The following AKAP19 variants were observed in gnomAD, a reference collection of about 807,000 sequenced individuals.
The protein encoded by AKAP19 is small A-kinase anchoring protein.
chr2:190,194,533 C>T, the AKAP19 span, among the ~76,000 whole-genome samples: 3 of 151,388 alleles, frequency 2.0e-5, no homozygotes, highest in Non-Finnish European at 4.4e-5. Context: ...GCATCTCCCA[C>T]TAGACACATC....
chr2:190,100,156 G>A, the AKAP19 span, among the ~76,000 whole-genome samples: 1 of 152,098 alleles, frequency 6.6e-6, no homozygotes, highest in Non-Finnish European at 1.5e-5. Flanking sequence ...TTGAAATGGA[G>A]ACTAAGGGAA....
the AKAP19 span, among the ~76,000 whole-genome samples, chr2:189,957,564 A>T: frequency 3.3e-5 from 5 of 152,188 alleles, no homozygotes; most frequent in African/African-American, 1.2e-4. Context: ...TGTCTCAACC[A>T]CAATTTTTCA....
chr2:190,113,854 T>C, the AKAP19 span, among the ~76,000 whole-genome samples: 1 of 152,214 alleles, frequency 6.6e-6, no homozygotes, highest in Non-Finnish European at 1.5e-5. Flanking sequence ...TTCCTTGAGA[T>C]ACTTTTACAA....
chr2:190,188,895 G>A, the AKAP19 span, among the ~76,000 whole-genome samples: 979 of 152,150 alleles, frequency 6.4e-3, 12 homozygotes, highest in African/African-American at 0.022. Context: ...AAATATGTGG[G>A]GGCAGTTTAC....
At chr2:189,919,161 G>A in the AKAP19 span, among the ~76,000 whole-genome samples, 1 of 152,132 alleles carries the variant, frequency 6.6e-6, no homozygotes, top group Non-Finnish European at 1.5e-5. Context: ...GTGGACAGGG[G>A]GGACTACTGT....
chr2:190,116,227 A>G, the AKAP19 span, among the ~76,000 whole-genome samples: 4 of 152,200 alleles, frequency 2.6e-5, no homozygotes, highest in Non-Finnish European at 5.9e-5. Flanking sequence ...AGTAATTTAT[A>G]ATGAACAGAA....
the AKAP19 span, among the ~76,000 whole-genome samples, chr2:189,955,015 T>C: frequency 1.3e-5 from 2 of 152,212 alleles, no homozygotes. Context: ...TGCATAGTGG[T>C]GAATGCTGGG....
the AKAP19 span, among the ~76,000 whole-genome samples, chr2:189,977,857 A>C: frequency 3.3e-5 from 5 of 152,360 alleles, no homozygotes; most frequent in South Asian, 1.0e-3. Flanking sequence ...CAAATTTTCA[A>C]CTTTTGCCAT....
the AKAP19 span, among the ~76,000 whole-genome samples, chr2:190,074,546 G>T: frequency 1.3e-5 from 2 of 152,028 alleles, no homozygotes; most frequent in Non-Finnish European, 2.9e-5. Flanking sequence ...AGCTGCTCAG[G>T]AGGCTGAAGC....
the AKAP19 span, among the ~76,000 whole-genome samples, chr2:190,159,182 A>T: frequency 6.6e-6 from 1 of 152,184 alleles, no homozygotes; most frequent in Non-Finnish European, 1.5e-5. Flanking sequence ...GCCTCCACCC[A>T]ACTAGGTACA....
the AKAP19 span, among the ~76,000 whole-genome samples, chr2:190,092,734 C>T: frequency 6.6e-6 from 1 of 152,120 alleles, no homozygotes; most frequent in Non-Finnish European, 1.5e-5. Flanking sequence ...TTCAAAAGTT[C>T]CTGTTTCCCC....
chr2:190,154,415 T>C, the AKAP19 span, among the ~76,000 whole-genome samples: 1 of 152,272 alleles, frequency 6.6e-6, no homozygotes, highest in Admixed American at 6.5e-5. Context: ...GTATATTCTA[T>C]AGCTTTGACT....
the AKAP19 span, among the ~76,000 whole-genome samples, chr2:190,064,719 T>C: frequency 6.6e-6 from 1 of 152,184 alleles, no homozygotes; most frequent in African/African-American, 2.4e-5. Context: ...CCACATGAAC[T>C]AGAACTGCTT....
At chr2:190,082,270 T>C in the AKAP19 span, among the ~76,000 whole-genome samples, 8 of 152,236 alleles carry the variant, frequency 5.3e-5, no homozygotes, top group Non-Finnish European at 1.2e-4. Flanking sequence ...TTATTGAATA[T>C]GCACATTTGG....
the AKAP19 span, among the ~76,000 whole-genome samples, chr2:189,955,143 G>C: frequency 9.9e-5 from 15 of 152,024 alleles, no homozygotes; most frequent in African/African-American, 3.4e-4. Flanking sequence ...TATTTACTCT[G>C]TATGTCTGCA....
At chr2:189,881,656 C>T in the AKAP19 span, among the ~76,000 whole-genome samples, 1 of 151,886 alleles carries the variant, frequency 6.6e-6, no homozygotes, top group Non-Finnish European at 1.5e-5. Context: ...TACGAAAGCA[C>T]AGCTTAGTTT....
At chr2:190,055,317 C>T in the AKAP19 span, among the ~76,000 whole-genome samples, 28 of 107,784 alleles carry the variant, frequency 2.6e-4, no homozygotes, top group East Asian at 8.0e-4. Flanking sequence ...CATCACACAC[C>T]GGGGCCTGTT....
At chr2:190,093,542 TAG>T in the AKAP19 span, among the ~76,000 whole-genome samples, 1 of 152,082 alleles carries the variant, frequency 6.6e-6, no homozygotes, top group African/African-American at 2.4e-5. Flanking sequence ...TAGAGGAAAA[TAG>T]AGTTTAGTTT....
At chr2:190,185,276 C>G in the AKAP19 span, among the ~76,000 whole-genome samples, 3 of 152,204 alleles carry the variant, frequency 2.0e-5, no homozygotes, top group Non-Finnish European at 4.4e-5. Flanking sequence ...GTCCTCTACC[C>G]TCTTAGGTTT....
Sources: gnomAD v4.1 joint callset for allele counts (sites outside exome capture counted in the v4.1 genomes callset) on GRCh38, gnomAD v4.1.1 for gene constraint, MANE v1.5 for transcripts, NCBI Gene and HGNC (gene_info 2026-07-23, HGNC 2026-07-21) for gene names.